The following PEAK1 variants were observed in gnomAD, a reference collection of about 807,000 sequenced individuals.
The protein encoded by PEAK1 is pseudopodium enriched atypical kinase 1.
Under a neutral mutation model 124.7 loss-of-function variants are expected in PEAK1, and 54 were observed. The observed-to-expected ratio is 0.43, with a 90% CI of 0.35 to 0.54. The LOEUF (loss-of-function observed/expected upper bound fraction) is 0.54, where lower values mean the gene tolerates loss of function less well. Ranked by LOEUF, PEAK1 falls within the 20% of genes least tolerant of loss-of-function variation. The probability of loss-of-function intolerance (pLI) is 0.01; values close to 1 mark genes in which losing one functional copy is unlikely to be tolerated. For missense variants in PEAK1, 2,046 were observed against 2,134.5 expected (o/e 0.96, Z 0.82); for synonymous variants, 719 against 760.0 (o/e 0.95, Z 0.89).
intron 6 of PEAK1, among the ~76,000 whole-genome samples, chr15:77,217,866 G>C (rs4886855): frequency 0.99 from 151,486 of 152,300 alleles, 75,344 homozygotes; most frequent in East Asian, 1. Flanking sequence ...ATCCTAAAAA[G>C]TTTGTTTTTT....
intron 2 of PEAK1, chr15:77,346,259 T>G: frequency 1.1e-6 from 1 of 929,128 alleles, no homozygotes; most frequent in Non-Finnish European, 1.3e-6. Context: ...TGAAAATAAA[T>G]GTTGCTGTCT....
intron 8 of PEAK1, among the ~76,000 whole-genome samples, chr15:77,138,846 A>C (rs2053545444): frequency 6.9e-6 from 1 of 144,408 alleles, no homozygotes; most frequent in Non-Finnish European, 1.5e-5. Context: ...TGGGTGACAG[A>C]GCGAGACTCT....
At position 77,179,931 on chromosome 15, in the gene PEAK1, C is replaced by A; in HGVS notation, c.1996G>T (p.Glu666Ter). The change falls in exon 7 of 10, where the codon GAA becomes TAA. Residue 666 changes from glutamate to a stop codon, truncating the protein, a stop_gained. Coordinates refer to ENST00000682557, the MANE Select transcript of PEAK1 (RefSeq NM_001385026.1). LOFTEE classifies it high-confidence loss of function. ...ACTTTGCTTTCTGTTTCTATTTCTT[C>A]ATAAGTATGGCTTATTACACTTGTG... ...KTTSVISHTYEEIETESKVPD... is the reference protein window; with the variant it reads ...KTTSVISHTY The A allele has an allele frequency of 6.2e-7, 1 of 1,614,112 alleles. No homozygotes were observed.
At chr15:77,155,013 G>C (rs182866243) in intron 8 of PEAK1, among the ~76,000 whole-genome samples, 2 of 152,110 alleles carry the variant, frequency 1.3e-5, no homozygotes, top group Non-Finnish European at 2.9e-5. Flanking sequence ...TGTATTTCCC[G>C]AATCTGAATG....
At chr15:77,157,608 C>G (rs2055268896) in intron 8 of PEAK1, 1 of 152,274 alleles carries the variant, frequency 6.6e-6, no homozygotes, top group Admixed American at 6.5e-5. Flanking sequence ...GTCCATCAGC[C>G]TCTGCCTATA....
intron 6 of PEAK1, among the ~76,000 whole-genome samples, chr15:77,191,244 T>C (rs2057816759): frequency 6.6e-6 from 1 of 152,214 alleles, no homozygotes; most frequent in Non-Finnish European, 1.5e-5. Flanking sequence ...ACAAAGCTCT[T>C]ATGAAAATGA....
intron 6 of PEAK1, among the ~76,000 whole-genome samples, chr15:77,250,192 CATATATATACAT>C (rs2060796701): frequency 1.9e-5 from 2 of 104,104 alleles, no homozygotes; most frequent in Non-Finnish European, 4.4e-5. Context: ...TATATATATA[CATATATATACAT>C]ATATATGTAT....
chr15:77,164,241 T>G (rs535896415), intron 7 of PEAK1, among the ~76,000 whole-genome samples: 1 of 152,196 alleles, frequency 6.6e-6, no homozygotes, highest in African/African-American at 2.4e-5. Context: ...ATCTAGTGTC[T>G]CCAATTTTCT....
At chr15:77,136,326 T>A (rs889040663) in intron 8 of PEAK1, among the ~76,000 whole-genome samples, 2 of 152,160 alleles carry the variant, frequency 1.3e-5, no homozygotes, top group Admixed American at 1.3e-4. Flanking sequence ...GTGACCTAGG[T>A]GCTGTTAAAG....
intron 6 of PEAK1, among the ~76,000 whole-genome samples, chr15:77,200,474 T>C (rs1283765340): frequency 2.6e-5 from 4 of 152,162 alleles, no homozygotes; most frequent in Non-Finnish European, 4.4e-5. Flanking sequence ...CACTACTCAA[T>C]GTATGGTCTG....
In PEAK1 at chr15:77,180,440, G is replaced by A; in HGVS notation, c.1487C>T (p.Pro496Leu). The A allele has an allele frequency of 3.1e-6, 5 of 1,614,054 alleles. No homozygotes were observed. The highest frequency in any genetic ancestry group is 4.2e-6 in the Non-Finnish European group (5 of 1,180,000). Residue 496 changes from proline (P) to leucine (L), a missense_variant, in exon 7 of 10, where the codon CCC (proline) becomes CTC (leucine). By Grantham distance (98) the Pro-to-Leu change is moderately conservative (BLOSUM62 -3). Coordinates refer to ENST00000682557, the MANE Select transcript of PEAK1 (RefSeq NM_001385026.1). ...SEHLEGPVNS[P>L]KTKSSSSTPN... Reference sequence around the variant, plus strand: ...AGTAGAGGATGAGCTTTTTGTCTTGGGGCTGTTAACAGGGCCCTCGAGGTG... The same window carrying A: ...AGTAGAGGATGAGCTTTTTGTCTTGAGGCTGTTAACAGGGCCCTCGAGGTG...
At chr15:77,270,905 G>T (rs1198114715) in intron 5 of PEAK1, among the ~76,000 whole-genome samples, 2 of 152,108 alleles carry the variant, frequency 1.3e-5, no homozygotes, top group Non-Finnish European at 2.9e-5. Context: ...AAAAGCAATG[G>T]CAACAAAAGC....
At chr15:77,115,731 C>A (rs1478711648) in intron 9 of PEAK1, among the ~76,000 whole-genome samples, 1 of 152,162 alleles carries the variant, frequency 6.6e-6, no homozygotes, top group Non-Finnish European at 1.5e-5. Context: ...GGTTTGTAGC[C>A]CAGAATGATA....
Position 77,347,026 on chromosome 15 carries a change from T to C in PEAK1, c.-603+18137A>G, listed in dbSNP as rs78218144. Among the ~76,000 whole-genome samples, 1,302 of 152,246 alleles carry C rather than the reference T, an allele frequency of 8.6e-3. 20 individuals are homozygous for C. The highest frequency in any genetic ancestry group is 0.03 in the African/African-American group (1,241 of 41,540). ...GAAGAGGGGACATTTAAGCTGAGAC[T>C]TAAATGACAAGAAGAATCCAGTAAA... On this transcript the variant is annotated intron_variant, in intron 2 of 9. Transcript: ENST00000682557.
intron 2 of PEAK1, among the ~76,000 whole-genome samples, chr15:77,288,360 G>A (rs1211641963): frequency 1.3e-5 from 2 of 151,970 alleles, no homozygotes; most frequent in East Asian, 3.9e-4. Context: ...TCCACACATA[G>A]GAAATTCTTA....
chr15:77,144,282 A>G (rs766256063), intron 8 of PEAK1, among the ~76,000 whole-genome samples: 28 of 152,194 alleles, frequency 1.8e-4, no homozygotes, highest in African/African-American at 5.8e-4. Flanking sequence ...AATATGTTCC[A>G]TATTTTTATT....
At chr15:77,277,320 G>GGT (rs1176008615) in intron 5 of PEAK1, among the ~76,000 whole-genome samples, 3 of 152,018 alleles carry the variant, frequency 2.0e-5, no homozygotes, top group Non-Finnish European at 2.9e-5. Context: ...AAAGGGAGTG[G>GGT]GTGTGTGTGT....
At chr15:77,309,991 T>C (rs2064340563) in intron 2 of PEAK1, among the ~76,000 whole-genome samples, 1 of 152,190 alleles carries the variant, frequency 6.6e-6, no homozygotes, top group Non-Finnish European at 1.5e-5. Flanking sequence ...ACCTGAGTTG[T>C]CATTTCACAA....
chr15:77,274,941 T>C (rs961219811), intron 5 of PEAK1, among the ~76,000 whole-genome samples: 8 of 152,024 alleles, frequency 5.3e-5, no homozygotes, highest in African/African-American at 1.9e-4. Context: ...AATAAGTGGA[T>C]AGAGAAAATG....
Sources: allele counts gnomAD v4.1 joint callset (sites outside exome capture counted in the v4.1 genomes callset), GRCh38; gene constraint gnomAD v4.1.1; transcripts MANE v1.5; gene names NCBI Gene and HGNC (gene_info 2026-07-23, HGNC 2026-07-21).